MYRIP: variants seen among roughly 807,000 people sequenced by gnomAD.
The protein encoded by MYRIP is rab effector MyRIP.
In MYRIP, 49 loss-of-function variants were observed where a neutral mutation model predicts 98.0. The ratio of observed to expected loss-of-function variants is 0.50; its 90% CI spans 0.40 to 0.63. The LOEUF is 0.63. Ranked by LOEUF, MYRIP falls within the 30% of genes least tolerant of loss-of-function variation. MYRIP has a pLI of 0.00. For synonymous variants in MYRIP, 404 were observed against 409.5 expected (o/e 0.99, Z 0.16); for missense variants, 1,004 against 1,058.2 (o/e 0.95, Z 0.71).
chr3:39,965,678 C>T (rs1489435405), intron 2 of MYRIP, among the ~76,000 whole-genome samples: 3 of 152,002 alleles, frequency 2.0e-5, no homozygotes, highest in Non-Finnish European at 2.9e-5. Flanking sequence ...GCATGAACTT[C>T]CACTGACTTA....
chr3:40,212,156 GTA>G (rs1448341798), intron 11 of MYRIP, among the ~76,000 whole-genome samples: 2,935 of 36,314 alleles, frequency 0.081, 570 homozygotes, highest in African/African-American at 0.13. Context: ...ATATATACGT[GTA>G]TATATATATA....
At chr3:40,057,679 T>A (rs1415391158) in intron 3 of MYRIP, among the ~76,000 whole-genome samples, 2 of 152,218 alleles carry the variant, frequency 1.3e-5, no homozygotes, top group Non-Finnish European at 2.9e-5. Context: ...AAGGTAATGA[T>A]CTTCTGCACT....
chr3:40,080,791 CTTTTTTTTTTTTTT>C (rs34610302), intron 3 of MYRIP, among the ~76,000 whole-genome samples: 1 of 93,846 alleles, frequency 1.1e-5, no homozygotes. Flanking sequence ...ATCCTAACTT[CTTTTTTTTTTTTTT>C]TTTTTTTTTG....
intron 2 of MYRIP, among the ~76,000 whole-genome samples, chr3:39,929,221 T>C (rs991004031): frequency 1.3e-5 from 2 of 152,024 alleles, no homozygotes; most frequent in East Asian, 3.8e-4. Flanking sequence ...CAGACTTATA[T>C]GCTGAAATAA....
intron 1 of MYRIP, among the ~76,000 whole-genome samples, chr3:39,874,088 T>G (rs1183604538): frequency 6.6e-6 from 1 of 151,634 alleles, no homozygotes; most frequent in African/African-American, 2.4e-5. Context: ...GGTATTTTAT[T>G]CTCTTTGAAG....
At chr3:40,164,833 G>A (rs773012833) in intron 5 of MYRIP, among the ~76,000 whole-genome samples, 20 of 151,934 alleles carry the variant, frequency 1.3e-4, no homozygotes, top group Non-Finnish European at 1.9e-4. Flanking sequence ...AGCTCCAGGT[G>A]CCTACCTTCC....
intron 1 of MYRIP, among the ~76,000 whole-genome samples, chr3:39,886,939 G>T (rs1358710300): frequency 6.6e-6 from 1 of 152,070 alleles, no homozygotes; most frequent in Non-Finnish European, 1.5e-5. Flanking sequence ...ATAGTTGGAA[G>T]TAAAGCTCTC....
intron 9 of MYRIP, among the ~76,000 whole-genome samples, chr3:40,188,479 GA>G (rs35216480): frequency 1.7e-3 from 238 of 137,606 alleles, no homozygotes; most frequent in South Asian, 3.8e-3. Flanking sequence ...TGGTTAAAAG[GA>G]AAAAAAAAAA....
intron 11 of MYRIP, among the ~76,000 whole-genome samples, chr3:40,222,366 A>G (rs1331786733): frequency 6.6e-6 from 1 of 152,136 alleles, no homozygotes. Context: ...GACATAGCAC[A>G]CTGGTGGGGT....
chr3:39,859,325 A>G (rs981782357), intron 1 of MYRIP, among the ~76,000 whole-genome samples: 2 of 152,192 alleles, frequency 1.3e-5, no homozygotes, highest in Non-Finnish European at 2.9e-5. Flanking sequence ...TGACTGAATT[A>G]TGAAAAATGA....
chr3:39,917,473 T>A lies in MYRIP; in HGVS notation c.110+16547T>A, dbSNP rs201603824. Among the ~76,000 whole-genome samples, 151 of 42,472 alleles carry A rather than the reference T, an allele frequency of 3.6e-3. 1 individual carries two copies. In the South Asian group the frequency reaches 0.086, roughly 24 times the overall value. The allele number at this position is 42,472 out of a possible 152,430, so 27.9% of individuals were successfully genotyped here. A position where few individuals can be genotyped will look rare whatever the true frequency, so the allele number is the denominator to read the frequency against. ...AAAAAAAATAAAAAAATAGGAAAAT[T>A]AAAAAAAAAAAAGCTGTTGAAACTT... On this transcript the variant is annotated intron_variant, in intron 2 of 16. Transcript: ENST00000302541.
intron 15 of MYRIP, 150 bp downstream of exon 15, chr3:40,250,649 A>T: frequency 1.1e-6 from 1 of 869,812 alleles, no homozygotes; most frequent in Non-Finnish European, 1.8e-6. Context: ...GTCCCCCCAG[A>T]AGCAAACCCT....
chr3:40,082,487 A>C (rs957961952), intron 3 of MYRIP, among the ~76,000 whole-genome samples: 1 of 152,180 alleles, frequency 6.6e-6, no homozygotes, highest in African/African-American at 2.4e-5. Context: ...TTAATGGCTT[A>C]ATTTATATTT....
intron 1 of MYRIP, among the ~76,000 whole-genome samples, chr3:39,829,317 T>C (rs1941365286): frequency 6.6e-6 from 1 of 152,234 alleles, no homozygotes; most frequent in Non-Finnish European, 1.5e-5. Flanking sequence ...TGTCCTTAGG[T>C]TGATGCCTAC....
intron 11 of MYRIP, among the ~76,000 whole-genome samples, chr3:40,231,389 G>A (rs1952652741): frequency 1.3e-5 from 2 of 152,206 alleles, no homozygotes; most frequent in South Asian, 4.1e-4. Flanking sequence ...CCCAGCACCT[G>A]GAACAGAGCT....
rs758181915 is a variant in MYRIP at position 40,251,902 on chromosome 3, C to A, written c.2450C>A (p.Ser817Ter). The change falls in exon 16 of 17, where the codon TCA becomes TAA. Residue 817 changes from serine to a stop codon, truncating the protein, a stop_gained. Transcript: ENST00000302541. LOFTEE classifies it high-confidence loss of function. The stretch of plus-strand genomic sequence containing the variant: ...TTAGCTGAAAAAATTGAGACATCTT[C>A]AGTGACTACCATTAAAACATTTAAC... ...PVKAEKIETS[S>*]VTTIKTFNHN... is the part of the protein sequence containing the mutation. 6.8e-6 allele frequency: 11 copies of A among 1,612,606 alleles called. No homozygotes were observed. Among genetic ancestry groups the A allele is most frequent in the Non-Finnish European group, 9.3e-6 (11 of 1,178,666 alleles).
chr3:40,237,697 G>A (rs1952861278), intron 12 of MYRIP, among the ~76,000 whole-genome samples: 1 of 152,188 alleles, frequency 6.6e-6, no homozygotes, highest in Admixed American at 6.5e-5. Flanking sequence ...TTCTTTAAAT[G>A]TGTCTCTAAC....
chr3:40,098,272 A>T (rs919368755), intron 3 of MYRIP, among the ~76,000 whole-genome samples: 38 of 152,320 alleles, frequency 2.5e-4, no homozygotes, highest in Non-Finnish European at 1.3e-4. Context: ...TTTGCCAGAA[A>T]ATGAGGCATG....
chr3:39,937,951 A>G (rs1389138417), intron 2 of MYRIP, among the ~76,000 whole-genome samples: 1 of 152,182 alleles, frequency 6.6e-6, no homozygotes, highest in Non-Finnish European at 1.5e-5. Context: ...TTCAAATGAA[A>G]AGGAGGAGGA....
Sources: allele counts gnomAD v4.1 joint callset (sites outside exome capture counted in the v4.1 genomes callset), GRCh38; gene constraint gnomAD v4.1.1; transcripts MANE v1.5; gene names NCBI Gene and HGNC (gene_info 2026-07-23, HGNC 2026-07-21).